Variants in SLC24A2 observed in about 807,000 individuals in gnomAD.
SLC24A2 encodes solute carrier family 24 member 2.
SLC24A2 carries 36 observed loss-of-function variants against 62.0 expected under a neutral mutation model. That is an observed-to-expected ratio of 0.58 (90% CI 0.44 to 0.77). The LOEUF is 0.77. Ranked by LOEUF, SLC24A2 falls within the 30% of genes least tolerant of loss-of-function variation. The pLI is 0.00. For missense variants in SLC24A2, 846 were observed against 817.9 expected (o/e 1.03, Z -0.42); for synonymous variants, 358 against 294.0 (o/e 1.22, Z -2.23).
At chr9:20,043,819 G>A in the SLC24A2 span, among the ~76,000 whole-genome samples, 4 of 152,168 alleles carry the variant, frequency 2.6e-5, no homozygotes, top group African/African-American at 9.7e-5. Flanking sequence ...AGAGGATTTA[G>A]AATAAACTTA....
intron 2 of SLC24A2, among the ~76,000 whole-genome samples, chr9:19,671,342 T>A (rs147818589): frequency 6.6e-6 from 1 of 152,112 alleles, no homozygotes; most frequent in African/African-American, 2.4e-5. Context: ...AGTTCTTGAT[T>A]TGATTCTCAG....
the SLC24A2 span, among the ~76,000 whole-genome samples, chr9:20,036,023 G>A: frequency 4.5e-3 from 684 of 152,298 alleles, 10 homozygotes; most frequent in African/African-American, 0.016. Context: ...TTGGAAAGGA[G>A]AGAGAAAAAG....
At chr9:20,104,611 T>C in the SLC24A2 span, among the ~76,000 whole-genome samples, 5 of 151,932 alleles carry the variant, frequency 3.3e-5, no homozygotes, top group Non-Finnish European at 7.4e-5. Flanking sequence ...GCTTCATAAG[T>C]GAAGGAGAAA....
At chr9:19,789,459 G>A (rs1407838611), upstream of SLC24A2, among the ~76,000 whole-genome samples, 1 of 152,240 alleles carries the variant, frequency 6.6e-6, no homozygotes, top group East Asian at 1.9e-4. Context: ...AGGCCTGCAG[G>A]ACAGGCTGTT....
At chr9:20,146,292 T>C in the SLC24A2 span, among the ~76,000 whole-genome samples, 2 of 152,114 alleles carry the variant, frequency 1.3e-5, no homozygotes, top group Admixed American at 6.6e-5. Flanking sequence ...AGGTTCTGTC[T>C]GAGTCGTGTT....
chr9:20,237,210 C>T, the SLC24A2 span, among the ~76,000 whole-genome samples: 1 of 152,120 alleles, frequency 6.6e-6, no homozygotes, highest in Non-Finnish European at 1.5e-5. Context: ...TCTGCTTGAG[C>T]ATAAAGCATA....
At position 19,525,391 on chromosome 9, in the gene SLC24A2, C is replaced by CTTTTTTTTTT. The variant is rs572919824; in HGVS notation, c.1569+2648_1569+2657dup. Among the ~76,000 whole-genome samples the CTTTTTTTTTT allele has an allele frequency of 5.2e-3, 397 of 76,362 alleles. 31 individuals carry two copies. The highest frequency in any genetic ancestry group is 8.5e-3 in the South Asian group (17 of 2,010). The allele number at this position is 76,362 out of a possible 152,430, so 50.1% of individuals were successfully genotyped here. ...AAGGTTTTTTTTTCCTATTTCTTTA[C>CTTTTTTTTTT]TTTTTTTTTTTTTTTTTTTTTTTTT... On this transcript the variant is annotated intron_variant, in intron 9 of 10. Coordinates refer to ENST00000341998, the MANE Select transcript of SLC24A2 (RefSeq NM_020344.4).
the SLC24A2 span, among the ~76,000 whole-genome samples, chr9:19,920,675 G>A: frequency 1.3e-5 from 2 of 152,280 alleles, no homozygotes; most frequent in East Asian, 3.9e-4. Flanking sequence ...TTAGGGCAGG[G>A]TTGAGTGTTA....
the SLC24A2 span, among the ~76,000 whole-genome samples, chr9:20,268,105 C>T: frequency 2.0e-5 from 3 of 152,180 alleles, no homozygotes. Context: ...AAGTGAACTA[C>T]CTTAGCCACA....
At position 19,745,442 on chromosome 9, in the gene SLC24A2, A is replaced by G. The variant is rs114691801; in HGVS notation, c.930+40495T>C. Among the ~76,000 whole-genome samples the G allele has an allele frequency of 8.9e-3, 1,363 of 152,292 alleles. 16 individuals carry two copies. Among genetic ancestry groups the G allele is most frequent in the African/African-American group, 0.031 (1,299 of 41,570 alleles). ...TTCAAGGAGTGATTCCAAGAGAAGT[A>G]ATATCAGCATTGTCTGGGGGACCTG... On this transcript the variant is annotated intron_variant, in intron 2 of 10. Coordinates refer to ENST00000341998, the MANE Select transcript of SLC24A2 (RefSeq NM_020344.4).
At chr9:19,519,524 G>T (rs1418239718) in intron 10 of SLC24A2, among the ~76,000 whole-genome samples, 3 of 152,168 alleles carry the variant, frequency 2.0e-5, no homozygotes, top group African/African-American at 7.2e-5. Flanking sequence ...ACTGTTTACA[G>T]TAGGTACAAC....
chr9:20,191,727 C>T, the SLC24A2 span, among the ~76,000 whole-genome samples: 1 of 150,872 alleles, frequency 6.6e-6, no homozygotes, highest in Non-Finnish European at 1.5e-5. Context: ...GGTAAGTGCC[C>T]TCTAAGGGAT....
At chr9:19,831,422 G>T in the SLC24A2 span, among the ~76,000 whole-genome samples, 1 of 151,996 alleles carries the variant, frequency 6.6e-6, no homozygotes. Context: ...CTTTCCACAT[G>T]AAATACCTCC....
chr9:19,762,402 G>A (rs1822365016), intron 2 of SLC24A2, among the ~76,000 whole-genome samples: 1 of 152,126 alleles, frequency 6.6e-6, no homozygotes, highest in South Asian at 2.1e-4. Flanking sequence ...GTCCTGAATG[G>A]TATTGCCTAG....
At chr9:19,693,661 A>C (rs1015194447) in intron 2 of SLC24A2, among the ~76,000 whole-genome samples, 1 of 152,148 alleles carries the variant, frequency 6.6e-6, no homozygotes, top group Non-Finnish European at 1.5e-5. Context: ...CACTAAAGTC[A>C]TCTTCCCTGT....
At chr9:20,252,251 G>A in the SLC24A2 span, among the ~76,000 whole-genome samples, 1 of 152,180 alleles carries the variant, frequency 6.6e-6, no homozygotes, top group Admixed American at 6.5e-5. Flanking sequence ...AGGCATATGA[G>A]TTTTATTCCT....
chr9:19,631,288 ATTGTG>A (rs1426116894), intron 2 of SLC24A2, among the ~76,000 whole-genome samples: 1 of 152,144 alleles, frequency 6.6e-6, no homozygotes, highest in Admixed American at 6.5e-5. Context: ...CCAACACTGA[ATTGTG>A]TCACTTTCCT....
In SLC24A2 at chr9:19,547,648, A is replaced by C. The variant is rs976517588; in HGVS notation, c.1479+2489T>G. On this transcript the variant is annotated intron_variant, in intron 8 of 10. Transcript: ENST00000341998. ...ACTGGCATCTTCCTCCCATTCCTGC[A>C]CATCTTCCTGAGTGCCTCAATGGTT... Among the ~76,000 whole-genome samples, 4 of 151,508 alleles carry C rather than the reference A, an allele frequency of 2.6e-5. 1 individual carries two copies. The highest frequency in any genetic ancestry group is 9.8e-5 in the African/African-American group (4 of 40,812).
chr9:19,881,373 C>T, the SLC24A2 span, among the ~76,000 whole-genome samples: 1 of 152,096 alleles, frequency 6.6e-6, no homozygotes, highest in Non-Finnish European at 1.5e-5. Flanking sequence ...GTGCTGTTGA[C>T]AGGTTAAATA....
Sources: allele counts gnomAD v4.1 joint callset (sites outside exome capture counted in the v4.1 genomes callset), GRCh38; gene constraint gnomAD v4.1.1; transcripts MANE v1.5; gene names NCBI Gene and HGNC (gene_info 2026-07-23, HGNC 2026-07-21).